The following LHCGR variants were observed in gnomAD, a reference collection of about 807,000 sequenced individuals.
LHCGR encodes the protein lutropin-choriogonadotropic hormone receptor.
A neutral mutation model predicts 60.7 loss-of-function variants in LHCGR; 55 were observed. The observed-to-expected ratio is 0.91, with a 90% CI of 0.73 to 1.13. The LOEUF is 1.13. LHCGR is among the 50% of genes most tolerant of loss of function. LHCGR has a pLI of 0.00. For missense variants in LHCGR, 862 were observed against 836.0 expected (o/e 1.03, Z -0.38); for synonymous variants, 337 against 316.5 (o/e 1.06, Z -0.69).
intron 1 of LHCGR, among the ~76,000 whole-genome samples, chr2:48,747,762 T>TA: frequency 6.6e-6 from 1 of 152,322 alleles, no homozygotes; most frequent in Admixed American, 6.5e-5. Context: ...ATCCTTCTAT[T>TA]AAGTTAATCT....
chr2:48,702,595 TC>T (rs1335616375), intron 8 of LHCGR, among the ~76,000 whole-genome samples: 1 of 152,220 alleles, frequency 6.6e-6, no homozygotes, highest in Non-Finnish European at 1.5e-5. Context: ...CATGAACTTA[TC>T]CTTTTTTATG....
At chr2:48,751,528 G>C (rs1208230136) in intron 1 of LHCGR, among the ~76,000 whole-genome samples, 1 of 152,132 alleles carries the variant, frequency 6.6e-6, no homozygotes, top group Non-Finnish European at 1.5e-5. Flanking sequence ...GAATTCCTTA[G>C]AGCCTTGTTG....
chr2:48,754,149 G>T (rs1367949600), intron 1 of LHCGR, among the ~76,000 whole-genome samples: 1 of 152,154 alleles, frequency 6.6e-6, no homozygotes, highest in African/African-American at 2.4e-5. Context: ...TCAGGGAATG[G>T]ACCTGACAAG....
intron 1 of LHCGR, among the ~76,000 whole-genome samples, chr2:48,753,722 A>T (rs1670083446): frequency 6.6e-6 from 1 of 152,200 alleles, no homozygotes. Flanking sequence ...TGAAAAGCTG[A>T]ATTGAAAAGG....
intron 1 of LHCGR, among the ~76,000 whole-genome samples, chr2:48,745,062 A>G (rs1050675680): frequency 3.3e-5 from 5 of 152,140 alleles, no homozygotes; most frequent in African/African-American, 1.2e-4. Flanking sequence ...TCTCAAAAGA[A>G]GACATTTATG....
intron 1 of LHCGR, among the ~76,000 whole-genome samples, chr2:48,743,734 A>G (rs1377177477): frequency 6.6e-6 from 1 of 152,064 alleles, no homozygotes; most frequent in Non-Finnish European, 1.5e-5. Flanking sequence ...CACAGCCAAT[A>G]TCATACTGAA....
intron 9 of LHCGR, among the ~76,000 whole-genome samples, chr2:48,694,807 A>T (rs1352618493): frequency 6.6e-6 from 1 of 151,972 alleles, no homozygotes; most frequent in African/African-American, 2.4e-5. Context: ...GGTGCTCCCT[A>T]CTCCTCCATC....
At chr2:48,714,256 A>G (rs1668131864) in intron 6 of LHCGR, among the ~76,000 whole-genome samples, 1 of 152,184 alleles carries the variant, frequency 6.6e-6, no homozygotes. Context: ...TGTTTATTTT[A>G]TGATTTAATC....
At chr2:48,752,990 G>C (rs1393096759) in intron 1 of LHCGR, among the ~76,000 whole-genome samples, 1 of 101,548 alleles carries the variant, frequency 9.8e-6, no homozygotes, top group African/African-American at 4.0e-5. Context: ...GCGGGGGGGG[G>C]GGGGGGTGGG....
rs565557158 is a variant in LHCGR at position 48,705,907 on chromosome 2, T to C, written c.680+3041A>G. Among the ~76,000 whole-genome samples the C allele has an allele frequency of 3.3e-5, 5 of 152,328 alleles. No homozygotes were observed. In the South Asian group the frequency reaches 8.3e-4, roughly 25 times the overall value. ...AGCCCGTTTACATTTAAGATTAATA[T>C]TGTTATGTGTGAATTTGATTCTGTC... On this transcript the variant is annotated intron_variant, in intron 8 of 10. Coordinates refer to ENST00000294954, the MANE Select transcript of LHCGR (RefSeq NM_000233.4).
chr2:48,751,090 T>A (rs1558906131), intron 1 of LHCGR, among the ~76,000 whole-genome samples: 2 of 151,838 alleles, frequency 1.3e-5, no homozygotes, highest in Non-Finnish European at 2.9e-5. Context: ...AGTGAGTATG[T>A]GGATGGGGAA....
chr2:48,690,547 G>A (rs1331094331), intron 10 of LHCGR, among the ~76,000 whole-genome samples: 4 of 152,122 alleles, frequency 2.6e-5, no homozygotes, highest in Non-Finnish European at 5.9e-5. Flanking sequence ...GATCCCTTGG[G>A]CAACCTTCCC....
chr2:48,706,460 G>T (rs1181073497), intron 8 of LHCGR, among the ~76,000 whole-genome samples: 1 of 152,170 alleles, frequency 6.6e-6, no homozygotes, highest in African/African-American at 2.4e-5. Flanking sequence ...GGTTGGGGAA[G>T]TTCTGGATAA....
chr2:48,732,170 C>T (rs1218886967), intron 1 of LHCGR, among the ~76,000 whole-genome samples: 1 of 152,218 alleles, frequency 6.6e-6, no homozygotes, highest in Admixed American at 6.5e-5. Flanking sequence ...GAGAAAGCAA[C>T]TGCAAGGCAG....
intron 8 of LHCGR, among the ~76,000 whole-genome samples, chr2:48,702,961 A>C (rs1667486488): frequency 6.6e-6 from 1 of 152,218 alleles, no homozygotes; most frequent in Non-Finnish European, 1.5e-5. Context: ...AATGATTGCC[A>C]TTCTAACTGG....
At chr2:48,740,898 A>G (rs1294745820) in intron 1 of LHCGR, among the ~76,000 whole-genome samples, 4 of 152,342 alleles carry the variant, frequency 2.6e-5, no homozygotes, top group African/African-American at 9.6e-5. Context: ...ACTCCGAGCT[A>G]CGGGAGGACA....
At chr2:48,727,083 A>G (rs1033392428) in intron 3 of LHCGR, among the ~76,000 whole-genome samples, 1 of 152,164 alleles carries the variant, frequency 6.6e-6, no homozygotes, top group Non-Finnish European at 1.5e-5. Flanking sequence ...TCAAACAATC[A>G]TAGGCCATAT....
intron 1 of LHCGR, among the ~76,000 whole-genome samples, chr2:48,735,303 C>T (rs118164515): frequency 3.3e-5 from 5 of 152,302 alleles, no homozygotes; most frequent in East Asian, 1.9e-4. Context: ...ATGACTCTGG[C>T]GAGGCTTGTG....
At chr2:48,692,397 CT>C in intron 10 of LHCGR, among the ~76,000 whole-genome samples, 1 of 152,290 alleles carries the variant, frequency 6.6e-6, no homozygotes, top group Admixed American at 6.5e-5. Flanking sequence ...GTCCTTTGTC[CT>C]TTCTTTTTTT....
Sources: gnomAD v4.1 joint callset for allele counts (sites outside exome capture counted in the v4.1 genomes callset) on GRCh38, gnomAD v4.1.1 for gene constraint, MANE v1.5 for transcripts, NCBI Gene and HGNC (gene_info 2026-07-23, HGNC 2026-07-21) for gene names.